Variants in SP100 observed in about 807,000 individuals in gnomAD.
The protein encoded by SP100 is SP100 nuclear body protein, also known as nuclear autoantigen Sp-100.
Under a neutral mutation model 130.0 loss-of-function variants are expected in SP100, and 84 were observed. The observed-to-expected ratio is 0.65, with a 90% CI of 0.54 to 0.77. The LOEUF (loss-of-function observed/expected upper bound fraction) is 0.77, where lower values mean the gene tolerates loss of function less well. Ranked by LOEUF, SP100 falls within the 30% of genes least tolerant of loss-of-function variation. The pLI is 0.00. For synonymous variants in SP100, 331 were observed against 351.7 expected (o/e 0.94, Z 0.66); for missense variants, 978 against 1,052.2 (o/e 0.93, Z 0.97).
intron 4 of SP100, among the ~76,000 whole-genome samples, chr2:230,445,126 A>G (rs2063651221): frequency 6.6e-6 from 1 of 152,244 alleles, no homozygotes; most frequent in Non-Finnish European, 1.5e-5. Context: ...TTTTGGTGCT[A>G]TACCAAACTA....
chr2:230,420,061 A>G (rs1175564022), intron 2 of SP100, among the ~76,000 whole-genome samples: 1 of 152,238 alleles, frequency 6.6e-6, no homozygotes, highest in Non-Finnish European at 1.5e-5. Flanking sequence ...CCCAGTGAGA[A>G]ACATAGTAAA....
chr2:230,488,369 T>C (rs1156827065), intron 17 of SP100, among the ~76,000 whole-genome samples: 2 of 152,210 alleles, frequency 1.3e-5, no homozygotes, highest in Non-Finnish European at 2.9e-5. Flanking sequence ...CATCAATACC[T>C]AGTTTATTGA....
At chr2:230,501,046 A>G (rs542681785) in intron 19 of SP100, among the ~76,000 whole-genome samples, 2 of 151,984 alleles carry the variant, frequency 1.3e-5, no homozygotes, top group Non-Finnish European at 2.9e-5. Flanking sequence ...ATTTAAGACA[A>G]GCCTGGGCAA....
intron 17 of SP100, among the ~76,000 whole-genome samples, chr2:230,485,092 A>G (rs2066006570): frequency 6.6e-6 from 1 of 150,892 alleles, no homozygotes; most frequent in Non-Finnish European, 1.5e-5. Flanking sequence ...CCAGGTCCCA[A>G]TATTTTATTT....
At chr2:230,515,657 T>G (rs773984710) in intron 24 of SP100, 105 of 1,583,316 alleles carry the variant, frequency 6.6e-5, no homozygotes, top group Non-Finnish European at 8.1e-5. Flanking sequence ...TCTAGTGCAG[T>G]TTTTTTCTTG....
Position 230,450,160 on chromosome 2 carries a change from GT to G in SP100, c.737-9del. The G allele has an allele frequency of 6.2e-7, 1 of 1,603,714 alleles. No individual in the cohort carries two copies. Among genetic ancestry groups the G allele is most frequent in the Non-Finnish European group, 8.5e-7 (1 of 1,170,832 alleles). ...TCTACTGGATCTCAGCTGTGATCTC[GT>G]TTATCTCCAGAGTCCTGCGAACAAA... On this transcript the variant is annotated splice_polypyrimidine_tract_variant and intron_variant, in intron 7 of 28. Transcript: ENST00000340126.
Position 230,540,963 on chromosome 2 carries a change from C to A in SP100, c.2298C>A (p.Val766=). The change falls in exon 26 of 29, where the codon GTC becomes GTA. Residue 766 remains valine, a synonymous_variant. Coordinates refer to ENST00000340126, the MANE Select transcript of SP100 (RefSeq NM_001080391.2). ...ESQSGHQESE[V]LMRQMLPEEQ... is the part of the protein sequence containing the mutation. ...AATCAGGTCATCAGGAATCTGAAGT[C>A]CTGATGAGGCAGATGCTGCCTGAGG... The A allele has an allele frequency of 6.2e-7, 1 of 1,613,236 alleles. No homozygotes were observed. Among genetic ancestry groups the A allele is most frequent in the Non-Finnish European group, 8.5e-7 (1 of 1,179,364 alleles).
At chr2:230,467,006 T>C in intron 12 of SP100, 114 bp from the exon 13 acceptor site, 1 of 727,972 alleles carries the variant, frequency 1.4e-6, no homozygotes, top group Non-Finnish European at 2.4e-6. Flanking sequence ...ATTCTTGCCC[T>C]GAAGTTTCAG....
At chr2:230,520,715 C>T (rs772232403) in intron 24 of SP100, 2 of 152,166 alleles carry the variant, frequency 1.3e-5, no homozygotes, top group Non-Finnish European at 2.9e-5. Context: ...TATTGAAAGC[C>T]AAATGTGAGG....
chr2:230,523,991 G>T (rs576741388), intron 24 of SP100, among the ~76,000 whole-genome samples: 118 of 151,754 alleles, frequency 7.8e-4, no homozygotes, highest in African/African-American at 2.8e-3. Context: ...TTTTATATTT[G>T]TCTCTGCTAG....
rs538972607 is a variant in SP100, at chr2:230,462,459, G to A, written c.998G>A (p.Gly333Glu). 6.8e-6 allele frequency: 11 copies of A among 1,613,910 alleles called. No homozygotes were observed. The Admixed American group carries it at 1.7e-4, about 24-fold the overall frequency. ...GTCATCAGCAGTGAGGACTCTGAAG[G>A]ATCCACTGACGTTGATGAGCCCTTA... is the stretch of plus-strand genomic sequence containing the variant. Reference protein sequence around the residue: ...IIVISSEDSEGSTDVDEPLEV... With the variant: ...IIVISSEDSEESTDVDEPLEV... The change falls in exon 10 of 29, where the codon GGA (glycine) becomes GAA (glutamate). Residue 333 changes from glycine (G) to glutamate (E), a missense_variant. By Grantham distance (98) the Gly-to-Glu change is moderately conservative (BLOSUM62 -2). Transcript: ENST00000340126.
chr2:230,479,786 C>T (rs559933132), intron 17 of SP100, among the ~76,000 whole-genome samples: 4 of 152,198 alleles, frequency 2.6e-5, no homozygotes, highest in Admixed American at 6.5e-5. Context: ...GAATGTTTTT[C>T]GTTGGAGATG....
rs543874749 is a variant in SP100, at chr2:230,463,208, G to A, written c.1057+690G>A. 5.3e-5 allele frequency among the ~76,000 whole-genome samples: 8 copies of A among 152,252 alleles called. No individual in the cohort carries two copies. In the South Asian group the frequency reaches 8.3e-4, roughly 16 times the overall value. On this transcript the variant is annotated intron_variant, in intron 10 of 28. Transcript: ENST00000340126. ...TTCAAAGTCATCTCCAAAATCTCAT[G>A]GTAAATTAAAGGAAAGACAAGACTA...
At chr2:230,518,320 C>T (rs1281263719) in intron 24 of SP100, among the ~76,000 whole-genome samples, 1 of 151,772 alleles carries the variant, frequency 6.6e-6, no homozygotes, top group African/African-American at 2.4e-5. Context: ...AATTTTCTGT[C>T]ATGAAAAACA....
chr2:230,516,020 C>A (rs199911981), intron 24 of SP100: 68 of 916,308 alleles, frequency 7.4e-5, no homozygotes, highest in Admixed American at 2.5e-4. Flanking sequence ...TCTGTAATTG[C>A]AAAAAAAAAA....
At position 230,498,451 on chromosome 2, in the gene SP100, A is replaced by G. The variant is rs2150054969; in HGVS notation, c.1646-10A>G. ...ACACCATCCATATTTATATTTTCCT[A>G]TTTTCTCAGGGAGAAAGAAAGACAG... On this transcript the variant is annotated splice_polypyrimidine_tract_variant and intron_variant, in intron 18 of 28. Transcript: ENST00000340126. 3 of 1,478,092 alleles carry G rather than the reference A, an allele frequency of 2.0e-6. No homozygotes were observed. Among genetic ancestry groups the G allele is most frequent in the East Asian group, 2.6e-5 (1 of 39,080 alleles). 91.6% of individuals were successfully genotyped at this position (1,478,092 alleles called of 1,614,324 possible).
intron 15 of SP100, among the ~76,000 whole-genome samples, chr2:230,471,741 GGA>G (rs1450745915): frequency 1.3e-5 from 2 of 152,092 alleles, no homozygotes; most frequent in East Asian, 3.9e-4. Flanking sequence ...AATGGAGGGA[GGA>G]GACACTGAGT....
At chr2:230,526,285 C>T (rs1337247533) in intron 24 of SP100, among the ~76,000 whole-genome samples, 1 of 152,140 alleles carries the variant, frequency 6.6e-6, no homozygotes, top group Non-Finnish European at 1.5e-5. Flanking sequence ...CTGGAGTGGA[C>T]CTCCAGCAAA....
chr2:230,472,427 C>CAAAAAAA (rs201703163), intron 15 of SP100, among the ~76,000 whole-genome samples: 17 of 61,320 alleles, frequency 2.8e-4, no homozygotes, highest in African/African-American at 4.2e-4. Context: ...GACTCCGTCT[C>CAAAAAAA]AAAAAAAAAA....
Sources: gnomAD v4.1 joint callset for allele counts (sites outside exome capture counted in the v4.1 genomes callset) on GRCh38, gnomAD v4.1.1 for gene constraint, MANE v1.5 for transcripts, NCBI Gene and HGNC (gene_info 2026-07-23, HGNC 2026-07-21) for gene names.